Variants in DLGAP2 observed in about 807,000 individuals in gnomAD.
The protein encoded by DLGAP2 is DLG associated protein 2.
DLGAP2 carries 26 observed loss-of-function variants against 100.3 expected under a neutral mutation model. The observed-to-expected ratio is 0.26, with a 90% CI of 0.19 to 0.36. The LOEUF is 0.36. Among genes scored for constraint, DLGAP2 ranks in the 10% least tolerant of loss-of-function variants. The pLI, the probability that DLGAP2 is intolerant of heterozygous loss-of-function variation, is 1.00. For synonymous variants in DLGAP2, 886 were observed against 630.1 expected (o/e 1.41, Z -6.08); for missense variants, 1,858 against 1,453.2 (o/e 1.28, Z -4.53).
At chr8:1,020,984 T>C (rs537410525) in intron 2 of DLGAP2, among the ~76,000 whole-genome samples, 26 of 152,324 alleles carry the variant, frequency 1.7e-4, no homozygotes, top group African/African-American at 6.0e-4. Context: ...GACAAAGTGT[T>C]ATGCACCTTT....
chr8:1,647,448 C>T (rs1422990467), intron 8 of DLGAP2, among the ~76,000 whole-genome samples: 1 of 130,236 alleles, frequency 7.7e-6, no homozygotes, highest in East Asian at 2.3e-4. Flanking sequence ...GAGATCGCGC[C>T]ACTGCACTCC....
intron 2 of DLGAP2, among the ~76,000 whole-genome samples, chr8:1,214,341 G>T (rs945181098): frequency 2.0e-5 from 3 of 152,226 alleles, no homozygotes; most frequent in African/African-American, 7.2e-5. Flanking sequence ...TCGTTTTTCC[G>T]TGAGCAGCCC....
chr8:1,632,005 T>C (rs1026855090), intron 7 of DLGAP2, among the ~76,000 whole-genome samples: 4 of 151,872 alleles, frequency 2.6e-5, no homozygotes, highest in Non-Finnish European at 5.9e-5. Context: ...AGAAAGCTGT[T>C]GGTGCTTTGA....
At chr8:1,253,644 C>T (rs1017401190) in intron 2 of DLGAP2, among the ~76,000 whole-genome samples, 5 of 123,496 alleles carry the variant, frequency 4.0e-5, no homozygotes, top group African/African-American at 9.2e-5. Flanking sequence ...CGGTTCTCAG[C>T]GGGCTGCGTG....
At chr8:1,123,024 T>C (rs1351872876) in intron 2 of DLGAP2, among the ~76,000 whole-genome samples, 1 of 152,188 alleles carries the variant, frequency 6.6e-6, no homozygotes, top group African/African-American at 2.4e-5. Flanking sequence ...TGCCTTCAAA[T>C]CTTTTATACA....
chr8:958,391 C>T (rs898212061), intron 2 of DLGAP2, among the ~76,000 whole-genome samples: 3 of 152,050 alleles, frequency 2.0e-5, no homozygotes, highest in African/African-American at 7.2e-5. Context: ...CCAGTCTTCC[C>T]CTCCGTTGCT....
chr8:1,662,864 G>C (rs1329937855), intron 8 of DLGAP2, among the ~76,000 whole-genome samples: 2 of 148,362 alleles, frequency 1.3e-5, no homozygotes, highest in African/African-American at 5.1e-5. Context: ...GTACACGTGT[G>C]AGTGTGGGGT....
chr8:1,327,676 C>G (rs1159224224), intron 3 of DLGAP2, among the ~76,000 whole-genome samples: 2 of 152,030 alleles, frequency 1.3e-5, no homozygotes, highest in Non-Finnish European at 2.9e-5. Flanking sequence ...AACCCCATCT[C>G]TACTAAAAAT....
chr8:1,030,613 T>C (rs1241975553), intron 2 of DLGAP2, among the ~76,000 whole-genome samples: 1 of 152,238 alleles, frequency 6.6e-6, no homozygotes, highest in African/African-American at 2.4e-5. Context: ...GCTGGACTCT[T>C]AGTGGATTAG....
chr8:806,405 G>A (rs904896423), intron 1 of DLGAP2, among the ~76,000 whole-genome samples: 1 of 152,184 alleles, frequency 6.6e-6, no homozygotes, highest in South Asian at 2.1e-4. Flanking sequence ...AGTGGCGTGC[G>A]CGTCTCTGGA....
At chr8:1,044,226 G>A (rs1016353817) in intron 2 of DLGAP2, among the ~76,000 whole-genome samples, 4 of 152,130 alleles carry the variant, frequency 2.6e-5, no homozygotes, top group Admixed American at 6.5e-5. Context: ...CCCAAAATAC[G>A]GCAAGTTGTC....
chr8:808,354 C>T (rs930277400), intron 1 of DLGAP2, among the ~76,000 whole-genome samples: 3 of 152,170 alleles, frequency 2.0e-5, no homozygotes, highest in Middle Eastern at 3.2e-3. Flanking sequence ...GCCTGAAGTT[C>T]GTGGTGTGGG....
chr8:1,693,629 A>G (rs1382159230), intron 13 of DLGAP2, among the ~76,000 whole-genome samples: 1 of 152,158 alleles, frequency 6.6e-6, no homozygotes, highest in Non-Finnish European at 1.5e-5. Context: ...TTACACATCA[A>G]AGGATGCACA....
At chr8:1,632,718 A>G (rs1429955182) in intron 7 of DLGAP2, 109 bp from the exon 8 acceptor site, 14 of 1,051,088 alleles carry the variant, frequency 1.3e-5, no homozygotes, top group East Asian at 2.6e-5. Flanking sequence ...GTGCTGAACT[A>G]TGAGGCAGTG....
At position 1,247,511 on chromosome 8, in the gene DLGAP2, TG is replaced by T. The variant is rs547028161; in HGVS notation, c.74-11337del. Among the ~76,000 whole-genome samples the T allele has an allele frequency of 2.3e-3, 105 of 45,356 alleles. 3 individuals carry two copies. The highest frequency in any genetic ancestry group is 2.7e-3 in the African/African-American group (20 of 7,504). The allele number at this position is 45,356 out of a possible 152,430, so 29.8% of individuals were successfully genotyped here. A position where few individuals can be genotyped will look rare whatever the true frequency, so the allele number is the denominator to read the frequency against. On this transcript the variant is annotated intron_variant, in intron 2 of 14. Transcript: ENST00000637795. The stretch of plus-strand genomic sequence containing the variant: ...GCCGGGAAGACCTTTGAGATCAGTG[TG>T]GGAGTAATGGCCCATGTTGGTGGCC...
intron 2 of DLGAP2, among the ~76,000 whole-genome samples, chr8:1,239,509 C>G (rs1798734730): frequency 2.0e-5 from 2 of 97,828 alleles, no homozygotes; most frequent in African/African-American, 5.2e-5. Flanking sequence ...AGCATCGTGT[C>G]TAGTTCTCTC....
In DLGAP2 at chr8:1,449,396, C is replaced by T. The variant is rs921599766; in HGVS notation, c.107-51970C>T. On this transcript the variant is annotated intron_variant, in intron 3 of 14. Transcript: ENST00000637795. ...GAATTCTCTCAGAGTTGTCTTGGGG[C>T]TGGAGCTTCCAGGGGGACTCGAGTT... Among the ~76,000 whole-genome samples the T allele has an allele frequency of 2.6e-5, 4 of 152,174 alleles. 1 individual carries two copies. The South Asian group carries it at 8.3e-4, about 32-fold the overall frequency.
chr8:1,475,456 G>C (rs1202959372), intron 3 of DLGAP2, among the ~76,000 whole-genome samples: 1 of 152,154 alleles, frequency 6.6e-6, no homozygotes, highest in Non-Finnish European at 1.5e-5. Context: ...ATAATGGTGA[G>C]CAGGCATCAA....
rs1796191600 is a variant in DLGAP2 at position 1,127,364 on chromosome 8, C to T, written c.74-131487C>T. 2.6e-5 allele frequency among the ~76,000 whole-genome samples: 4 copies of T among 152,104 alleles called. No individual in the cohort carries two copies. The South Asian group carries it at 6.2e-4, about 24-fold the overall frequency. On this transcript the variant is annotated intron_variant, in intron 2 of 14. Transcript: ENST00000637795. ...AACGGGCAGGCTGAGAGCCATGGGC[C>T]CCAGGTCTGGTGGCCCTGCATATGG...
Sources: gnomAD v4.1 joint callset for allele counts (sites outside exome capture counted in the v4.1 genomes callset) on GRCh38, gnomAD v4.1.1 for gene constraint, MANE v1.5 for transcripts, NCBI Gene and HGNC (gene_info 2026-07-23, HGNC 2026-07-21) for gene names.